ARHGEF16: variants seen among roughly 807,000 people sequenced by gnomAD.
ARHGEF16 encodes the protein Rho guanine exchange factor (GEF) 16.
In ARHGEF16, 59 loss-of-function variants were observed where a neutral mutation model predicts 74.1. That is an observed-to-expected ratio of 0.80 (90% CI 0.65 to 0.99). The LOEUF (loss-of-function observed/expected upper bound fraction) is 0.99, where lower values mean the gene tolerates loss of function less well. Among genes scored for constraint, ARHGEF16 ranks in the 50% least tolerant of loss-of-function variants. ARHGEF16 has a pLI of 0.00. For synonymous variants in ARHGEF16, 415 were observed against 412.6 expected (o/e 1.01, Z -0.07); for missense variants, 948 against 986.6 (o/e 0.96, Z 0.52).
At chr1:3,474,275 T>A (rs11581736) in intron 8 of ARHGEF16, 4,443 of 228,082 alleles carry the variant, frequency 0.019, 181 homozygotes, top group African/African-American at 0.091. Context: ...TTCACACATG[T>A]GCATGCTGCC....
intron 1 of ARHGEF16, among the ~76,000 whole-genome samples, chr1:3,457,288 G>A (rs928232448): frequency 1.3e-5 from 2 of 152,244 alleles, no homozygotes. Context: ...GGATGGACAG[G>A]TGCTAGAGAG....
chr1:3,478,991 A>G (rs1639979309), intron 12 of ARHGEF16, among the ~76,000 whole-genome samples: 1 of 152,182 alleles, frequency 6.6e-6, no homozygotes, highest in Admixed American at 6.5e-5. Flanking sequence ...CCCCGAGGGC[A>G]CAGCTGCAGG....
intron 6 of ARHGEF16, among the ~76,000 whole-genome samples, chr1:3,470,781 G>A (rs1211976603): frequency 5.0e-5 from 7 of 140,892 alleles, no homozygotes; most frequent in African/African-American, 8.0e-5. Context: ...GGGAGCATCC[G>A]GCACCCTGGT....
chr1:3,455,277 A>G (rs1569826582), intron 1 of ARHGEF16, among the ~76,000 whole-genome samples: 1 of 151,914 alleles, frequency 6.6e-6, no homozygotes, highest in South Asian at 2.1e-4. Context: ...TGACACCCAA[A>G]CCTGCTTTGG....
At chr1:3,462,997 A>AG in intron 1 of ARHGEF16, 69 bp from the exon 2 acceptor site, 6 of 1,121,300 alleles carry the variant, frequency 5.4e-6, no homozygotes, top group South Asian at 1.8e-5. Context: ...GCAAAGGGGT[A>AG]GGGGGGTGGA....
At chr1:3,465,766 G>C (rs12562417) in intron 2 of ARHGEF16, among the ~76,000 whole-genome samples, 13,000 of 152,164 alleles carry the variant, frequency 0.085, 1,017 homozygotes, top group African/African-American at 0.21. Context: ...GCTGGACACT[G>C]GCCAATCCTT....
chr1:3,466,676 G>A (rs772334738), intron 3 of ARHGEF16, among the ~76,000 whole-genome samples: 7 of 152,336 alleles, frequency 4.6e-5, no homozygotes, highest in Non-Finnish European at 1.0e-4. Context: ...ATAGGGAGGT[G>A]CCTGCTACCT....
chr1:3,461,020 A>G (rs1350469720), intron 1 of ARHGEF16, among the ~76,000 whole-genome samples: 1 of 151,890 alleles, frequency 6.6e-6, no homozygotes, highest in Non-Finnish European at 1.5e-5. Context: ...ACTGTAGGCA[A>G]CCTCCCTGCA....
intron 1 of ARHGEF16, among the ~76,000 whole-genome samples, chr1:3,456,649 G>A (rs1639272981): frequency 6.6e-6 from 1 of 152,240 alleles, no homozygotes; most frequent in Admixed American, 6.5e-5. Flanking sequence ...GCAGAAGACA[G>A]TGGATGACAG....
intron 11 of ARHGEF16, 91 bp downstream of exon 11, chr1:3,478,117 G>C (rs931305288): frequency 1.2e-5 from 18 of 1,549,788 alleles, no homozygotes; most frequent in Non-Finnish European, 1.6e-5. Flanking sequence ...AGTTGGCCCT[G>C]AGCCCCTCTG....
intron 1 of ARHGEF16, among the ~76,000 whole-genome samples, chr1:3,456,254 T>C (rs1639262078): frequency 6.6e-6 from 1 of 152,190 alleles, no homozygotes. Context: ...GGTGAAGCAG[T>C]GAGAAGCGGC....
chr1:3,479,436 T>G, intron 12 of ARHGEF16, 81 bp from the exon 13 acceptor site: 35 of 1,426,132 alleles, frequency 2.5e-5, no homozygotes, highest in African/African-American at 4.3e-5. Context: ...ACGGCCCCCA[T>G]GGGTGGCTGT....
chr1:3,471,920 C>A, intron 6 of ARHGEF16: 1 of 690,614 alleles, frequency 1.4e-6, no homozygotes, highest in Non-Finnish European at 1.8e-6. Flanking sequence ...GCAACCGAGG[C>A]CTCCCATGAC....
At chr1:3,464,027 G>A (rs1324699848) in intron 2 of ARHGEF16, among the ~76,000 whole-genome samples, 1 of 152,234 alleles carries the variant, frequency 6.6e-6, no homozygotes, top group Non-Finnish European at 1.5e-5. Flanking sequence ...AGGGTGACCT[G>A]GCTGCAGTGA....
At chr1:3,474,619 C>A (rs766654985) in intron 8 of ARHGEF16, 89 bp from the exon 9 acceptor site, 1 of 1,294,746 alleles carries the variant, frequency 7.7e-7, no homozygotes, top group Non-Finnish European at 1.1e-6. Context: ...GACCACCCTG[C>A]AGCCCCACAC....
At chr1:3,456,526 C>T (rs1302864266) in intron 1 of ARHGEF16, among the ~76,000 whole-genome samples, 1 of 152,238 alleles carries the variant, frequency 6.6e-6, no homozygotes, top group Non-Finnish European at 1.5e-5. Context: ...GACAGCCATC[C>T]AGGTCAGGAC....
intron 12 of ARHGEF16, 114 bp downstream of exon 12, chr1:3,478,726 G>A (rs1274761697): frequency 6.5e-6 from 8 of 1,226,584 alleles, no homozygotes; most frequent in South Asian, 3.1e-5. Flanking sequence ...AACGCCCACC[G>A]TGCACCTGGC....
chr1:3,467,300 A>G lies in ARHGEF16; in HGVS notation c.767A>G (p.Tyr256Cys), dbSNP rs1401832388. The G allele has an allele frequency of 6.5e-7, 1 of 1,550,130 alleles. No individual in the cohort carries two copies. Among genetic ancestry groups the G allele is most frequent in the Admixed American group, 2.0e-5 (1 of 50,992 alleles). The change falls in exon 4 of 15, where the codon TAC becomes TGC. Residue 256 changes from tyrosine to cysteine, a missense_variant. Physicochemically the swap from Tyr to Cys is radical, Grantham distance 194. Transcript: ENST00000378378. The part of the protein sequence containing the change: ...KVDATIVVKS[Y>C]RPAQVTWSQL... ...GACGCCACCATTGTGGTCAAGAGCT[A>G]CCGGCCCGCCCAGGTCACCTGGAGC...
At chr1:3,468,632 T>C in intron 4 of ARHGEF16, 1 of 540,808 alleles carries the variant, frequency 1.8e-6, no homozygotes. Context: ...CCATGCTCTT[T>C]CTGGGCTGCT....
Sources: allele counts gnomAD v4.1 joint callset (sites outside exome capture counted in the v4.1 genomes callset), GRCh38; gene constraint gnomAD v4.1.1; transcripts MANE v1.5; gene names NCBI Gene and HGNC (gene_info 2026-07-23, HGNC 2026-07-21).